The following RSRP1 variants were observed in gnomAD, a reference collection of about 807,000 sequenced individuals.
RSRP1 encodes arginine and serine rich protein 1.
A neutral mutation model predicts 33.0 loss-of-function variants in RSRP1; 37 were observed. The observed-to-expected ratio is 1.12, with a 90% CI of 0.86 to 1.48. The LOEUF (loss-of-function observed/expected upper bound fraction) is 1.48. Ranked by LOEUF, RSRP1 falls within the 40% of genes most tolerant of loss-of-function variation. RSRP1 has a pLI of 0.00. For synonymous variants in RSRP1, 167 were observed against 158.7 expected (o/e 1.05, Z -0.40); for missense variants, 402 against 385.3 (o/e 1.04, Z -0.36).
chr1:25,261,648 C>A (rs953946822), intron 1 of RSRP1, among the ~76,000 whole-genome samples: 51 of 151,478 alleles, frequency 3.4e-4, no homozygotes, highest in Non-Finnish European at 6.9e-4. Context: ...TCGTGATCCA[C>A]CTGCCTCAGC....
chr1:25,292,121 A>C (rs1424420535), intron 1 of RSRP1, among the ~76,000 whole-genome samples: 1 of 132,152 alleles, frequency 7.6e-6, no homozygotes, highest in African/African-American at 2.6e-5. Context: ...GTACTACCAC[A>C]TAGGGTTTTG....
Position 25,303,458 on chromosome 1 carries a change from C to G in RSRP1, c.-67+34520G>C, listed in dbSNP as rs200137267. The G allele has an allele frequency of 3.6e-6, 5 of 1,378,716 alleles. 1 individual carries two copies. In the African/African-American group the frequency reaches 7.1e-5, roughly 20 times the overall value. 85.4% of individuals were successfully genotyped at this position (1,378,716 alleles called of 1,614,324 possible). A position where few individuals can be genotyped will look rare whatever the true frequency, so the allele number is the denominator to read the frequency against. On this transcript the variant is annotated intron_variant, in intron 1 of 1. Coordinates refer to the RSRP1 transcript ENST00000561867. ...TCCGTCGGGGGAGCCAAGTACCTGCCGGTAAGAAACTAGACAACTAACCTC... is the reference window on the plus strand; with the variant it reads ...TCCGTCGGGGGAGCCAAGTACCTGCGGGTAAGAAACTAGACAACTAACCTC...
In RSRP1 at chr1:25,247,039, C is replaced by A; in HGVS notation, c.-66-10G>T. On this transcript the variant is annotated splice_polypyrimidine_tract_variant and intron_variant, in intron 1 of 4. Coordinates refer to ENST00000243189, the MANE Select transcript of RSRP1 (RefSeq NM_020317.5). ...CTCAACTCAGGACTTCCTAAAAAAC[C>A]AAGAGAGAAAAAACAAGTCGAGTCG... The A allele has an allele frequency of 3.6e-6, 5 of 1,383,076 alleles. No homozygotes were observed. The highest frequency in any genetic ancestry group is 1.7e-5 in the South Asian group (1 of 59,368). The allele number at this position is 1,383,076 out of a possible 1,614,324, so 85.7% of individuals were successfully genotyped here. A position where few individuals can be genotyped will look rare whatever the true frequency, so the allele number is the denominator to read the frequency against.
chr1:25,302,686 G>A (rs1207267056), intron 1 of RSRP1, among the ~76,000 whole-genome samples: 1 of 130,230 alleles, frequency 7.7e-6, no homozygotes, highest in African/African-American at 2.7e-5. Flanking sequence ...CACACAGGGT[G>A]GCACAGGCAC....
chr1:25,322,494 G>A lies in RSRP1; in HGVS notation c.-67+15484C>T, dbSNP rs193264761. Among the ~76,000 whole-genome samples the A allele has an allele frequency of 5.0e-3, 658 of 132,280 alleles. 163 individuals carry two copies. The highest frequency in any genetic ancestry group is 4.1e-3 in the East Asian group (21 of 5,098). 86.8% of individuals were successfully genotyped at this position (132,280 alleles called of 152,430 possible). On this transcript the variant is annotated intron_variant, in intron 1 of 1. Coordinates refer to the RSRP1 transcript ENST00000561867. ...TCGAGACCAGCCTGGCCAACGTGTC[G>A]AAACCCCATCTCTACTAAAAATACA...
At chr1:25,260,236 C>G (rs1401080167) in intron 1 of RSRP1, among the ~76,000 whole-genome samples, 3 of 152,144 alleles carry the variant, frequency 2.0e-5, no homozygotes, top group Non-Finnish European at 4.4e-5. Flanking sequence ...TCTGGCAGAC[C>G]AAGGTTCTTT....
At chr1:25,251,033 A>AAAAG (rs1015203051), upstream of RSRP1, among the ~76,000 whole-genome samples, 48 of 152,104 alleles carry the variant, frequency 3.2e-4, no homozygotes, top group African/African-American at 1.0e-3. Context: ...TTAAAAAAAA[A>AAAAG]AAAGAAAGAA....
rs1464298962 is a variant in RSRP1 at position 25,296,580 on chromosome 1, C to G, written c.-67+41398G>C. Among the ~76,000 whole-genome samples the G allele has an allele frequency of 1.5e-5, 2 of 130,290 alleles. 1 individual carries two copies. Among genetic ancestry groups the G allele is most frequent in the Non-Finnish European group, 3.6e-5 (2 of 55,282 alleles). The allele number at this position is 130,290 out of a possible 152,430, so 85.5% of individuals were successfully genotyped here. A position where few individuals can be genotyped will look rare whatever the true frequency, so the allele number is the denominator to read the frequency against. ...TTTCTGATGCAGTTGGGTTCTGTAT[C>G]CCCCTCCAATCTCATCTCGAATTGT... On this transcript the variant is annotated intron_variant, in intron 1 of 1. Transcript: ENST00000561867.
chr1:25,280,792 GT>G lies in RSRP1; in HGVS notation c.-66-33764del, dbSNP rs554911732. The stretch of plus-strand genomic sequence containing the variant: ...ACGCCCAAGTAATTTTGTATTTTTT[GT>G]AGAGACAAGGTCTTGCTATGTTGCC... On this transcript the variant is annotated intron_variant, in intron 1 of 1. Transcript: ENST00000561867. Among the ~76,000 whole-genome samples the G allele has an allele frequency of 3.5e-3, 452 of 130,696 alleles. 67 individuals carry two copies. The highest frequency in any genetic ancestry group is 0.011 in the African/African-American group (433 of 38,268). 85.7% of individuals were successfully genotyped at this position (130,696 alleles called of 152,430 possible). A position where few individuals can be genotyped will look rare whatever the true frequency, so the allele number is the denominator to read the frequency against.
At chr1:25,243,974 C>G in intron 3 of RSRP1, 1 of 1,151,614 alleles carries the variant, frequency 8.7e-7, no homozygotes, top group South Asian at 1.9e-5. Flanking sequence ...AGTTAGGCAC[C>G]TAATCGTCTG....
Position 25,299,830 on chromosome 1 carries a change from G to T in RSRP1, c.-67+38148C>A, listed in dbSNP as rs1345036879. Among the ~76,000 whole-genome samples, 11 of 131,226 alleles carry T rather than the reference G, an allele frequency of 8.4e-5. 2 individuals carry two copies. Among genetic ancestry groups the T allele is most frequent in the African/African-American group, 2.9e-4 (11 of 38,052 alleles). The allele number at this position is 131,226 out of a possible 152,430, so 86.1% of individuals were successfully genotyped here. On this transcript the variant is annotated intron_variant, in intron 1 of 1. Transcript: ENST00000561867. ...AGTGGCGACATCTCAGCTCACTATA[G>T]CCTCCGCCTCCCAGGTTCCAGTGAA...
chr1:25,296,607 A>G (rs1160222305), intron 1 of RSRP1, among the ~76,000 whole-genome samples: 1 of 131,120 alleles, frequency 7.6e-6, no homozygotes, highest in Non-Finnish European at 1.8e-5. Context: ...TCGAATTGTA[A>G]TCCCCACGTG....
At chr1:25,294,496 G>A in intron 1 of RSRP1, 1 of 688,220 alleles carries the variant, frequency 1.5e-6, no homozygotes, top group East Asian at 2.5e-5. Context: ...GGTGACAAGT[G>A]TATGTGCTGC....
chr1:25,295,869 T>G (rs1207873666), intron 1 of RSRP1, among the ~76,000 whole-genome samples: 3 of 106,112 alleles, frequency 2.8e-5, no homozygotes, highest in South Asian at 2.8e-4. Flanking sequence ...TTTTTTTTTT[T>G]TTTTTTTTTT....
chr1:25,253,424 C>G (rs1474087684), intron 1 of RSRP1: 2 of 152,362 alleles, frequency 1.3e-5, no homozygotes, highest in African/African-American at 4.8e-5. Context: ...CCAGGCTGCA[C>G]GGTCTCGGCT....
At chr1:25,258,854 G>C (rs1370828685) in intron 1 of RSRP1, among the ~76,000 whole-genome samples, 1 of 152,144 alleles carries the variant, frequency 6.6e-6, no homozygotes, top group African/African-American at 2.4e-5. Flanking sequence ...ATTTGGCCTA[G>C]AAAACACTTT....
chr1:25,292,943 C>T lies in RSRP1; in HGVS notation c.-67+45035G>A, dbSNP rs1439422523. On this transcript the variant is annotated intron_variant, in intron 1 of 1. Coordinates refer to the RSRP1 transcript ENST00000561867. ...TGTGCTTGGAGAGGCAGGAGGAAGC[C>T]CAGGAGAGCGTGAGGTCCTGGAAGG... is the stretch of plus-strand genomic sequence containing the variant. Among the ~76,000 whole-genome samples, 10 of 120,580 alleles carry T rather than the reference C, an allele frequency of 8.3e-5. 2 individuals carry two copies. The highest frequency in any genetic ancestry group is 8.2e-4 in the Admixed American group (10 of 12,152). 79.1% of individuals were successfully genotyped at this position (120,580 alleles called of 152,430 possible). A position where few individuals can be genotyped will look rare whatever the true frequency, so the allele number is the denominator to read the frequency against.
intron 1 of RSRP1, among the ~76,000 whole-genome samples, chr1:25,296,305 G>GGA (rs1642954898): frequency 7.9e-6 from 1 of 127,304 alleles, no homozygotes; most frequent in Admixed American, 7.6e-5. Context: ...GGAGTGCGGT[G>GGA]GTGTGATCTC....
chr1:25,263,750 T>G (rs1420622536), intron 1 of RSRP1, among the ~76,000 whole-genome samples: 2 of 151,958 alleles, frequency 1.3e-5, no homozygotes, highest in Non-Finnish European at 2.9e-5. Flanking sequence ...GATTTCAGCA[T>G]TAACTCAAAA....
Sources: allele counts gnomAD v4.1 joint callset (sites outside exome capture counted in the v4.1 genomes callset), GRCh38; gene constraint gnomAD v4.1.1; transcripts MANE v1.5; gene names NCBI Gene and HGNC (gene_info 2026-07-23, HGNC 2026-07-21).